Variants in CYRIB observed in about 807,000 individuals in gnomAD.
CYRIB encodes CYFIP-related Rac1 interactor B.
CYRIB carries 8 observed loss-of-function variants against 44.2 expected under a neutral mutation model. That is an observed-to-expected ratio of 0.18 (90% CI 0.11 to 0.33). The LOEUF (loss-of-function observed/expected upper bound fraction) is 0.33, where lower values mean the gene tolerates loss of function less well. Among genes scored for constraint, CYRIB ranks in the 10% least tolerant of loss-of-function variants. The pLI is 1.00. For synonymous variants in CYRIB, 131 were observed against 127.2 expected (o/e 1.03, Z -0.20); for missense variants, 185 against 382.8 (o/e 0.48, Z 4.31).
chr8:129,981,978 GC>G (rs2096256840), intron 1 of CYRIB, among the ~76,000 whole-genome samples: 1 of 152,208 alleles, frequency 6.6e-6, no homozygotes, highest in African/African-American at 2.4e-5. Context: ...ACTCGAGTGG[GC>G]ATTCCTCTTT....
chr8:129,988,543 G>C (rs747428369), intron 1 of CYRIB, among the ~76,000 whole-genome samples: 8 of 152,168 alleles, frequency 5.3e-5, no homozygotes, highest in Admixed American at 3.3e-4. Context: ...TATACCATAA[G>C]CTCTCTGAGG....
intron 2 of CYRIB, among the ~76,000 whole-genome samples, chr8:129,952,477 A>G (rs1307794277): frequency 1.3e-5 from 2 of 152,210 alleles, no homozygotes; most frequent in Non-Finnish European, 2.9e-5. Context: ...TAAAATATGT[A>G]CCCCTATGGA....
intron 1 of CYRIB, among the ~76,000 whole-genome samples, chr8:129,932,798 G>A (rs2091903681): frequency 6.6e-6 from 1 of 152,126 alleles, no homozygotes; most frequent in Non-Finnish European, 1.5e-5. Context: ...CTGAGTTCTG[G>A]GACAAGGGAA....
At chr8:129,937,271 G>C (rs1276412857) in intron 1 of CYRIB, among the ~76,000 whole-genome samples, 1 of 152,208 alleles carries the variant, frequency 6.6e-6, no homozygotes, top group East Asian at 1.9e-4. Context: ...AACTATTATA[G>C]TCTTGTTTTC....
At chr8:129,949,443 G>A (rs1297192195) in intron 2 of CYRIB, 2 of 152,204 alleles carry the variant, frequency 1.3e-5, no homozygotes, top group Admixed American at 6.5e-5. Context: ...CTACGAGGAG[G>A]TGAACCAGGA....
chr8:130,004,289 A>G (rs1199104719), intron 1 of CYRIB, among the ~76,000 whole-genome samples: 1 of 152,084 alleles, frequency 6.6e-6, no homozygotes, highest in Admixed American at 6.5e-5. Flanking sequence ...TTTTGTTTAG[A>G]GACAGGGGTC....
intron 2 of CYRIB, among the ~76,000 whole-genome samples, chr8:129,902,774 T>A (rs2072976980): frequency 6.6e-6 from 1 of 152,194 alleles, no homozygotes; most frequent in Non-Finnish European, 1.5e-5. Context: ...CTTAATAACT[T>A]GTTATAATTA....
chr8:129,902,825 C>T (rs994671388), intron 2 of CYRIB: 3 of 152,014 alleles, frequency 2.0e-5, no homozygotes, highest in Non-Finnish European at 4.4e-5. Context: ...ACTCAGGACC[C>T]TTTAACAGTA....
chr8:129,876,278 A>C (rs1023154893), intron 3 of CYRIB, among the ~76,000 whole-genome samples: 3 of 151,966 alleles, frequency 2.0e-5, no homozygotes, highest in African/African-American at 7.3e-5. Flanking sequence ...ACTGAGGTGA[A>C]AGGGTCACTT....
chr8:129,850,374 GAA>G, intron 9 of CYRIB: 2 of 152,716 alleles, frequency 1.3e-5, no homozygotes, highest in Non-Finnish European at 2.8e-5. Context: ...GTTCGTGTTG[GAA>G]AAAAAAAAGA....
At chr8:129,971,629 A>G (rs1461451372) in intron 1 of CYRIB, among the ~76,000 whole-genome samples, 1 of 152,156 alleles carries the variant, frequency 6.6e-6, no homozygotes, top group African/African-American at 2.4e-5. Flanking sequence ...GGCCAGCGCT[A>G]TCCATGGAGA....
At chr8:129,841,401 T>C (rs1391390487) in exon 12 of CYRIB, 1 of 152,598 alleles carries the variant, frequency 6.6e-6, no homozygotes, top group African/African-American at 2.4e-5. Context: ...TATATATGCA[T>C]TCCATAAAAA....
intron 1 of CYRIB, among the ~76,000 whole-genome samples, chr8:129,919,462 T>C (rs944037451): frequency 6.6e-6 from 1 of 152,170 alleles, no homozygotes; most frequent in South Asian, 2.1e-4. Context: ...ATAAAGCTCA[T>C]AGTCTATGAG....
At chr8:130,016,020 A>G (rs2097334618) in intron 1 of CYRIB, among the ~76,000 whole-genome samples, 1 of 151,500 alleles carries the variant, frequency 6.6e-6, no homozygotes, top group South Asian at 2.1e-4. Context: ...AGCCACCCCG[A>G]CCCGAGCGCC....
chr8:129,922,773 G>C (rs1352978993), intron 1 of CYRIB, among the ~76,000 whole-genome samples: 1 of 151,800 alleles, frequency 6.6e-6, no homozygotes, highest in Non-Finnish European at 1.5e-5. Context: ...TGAGGCAGGA[G>C]AATGGCATGA....
rs549185305 is a variant in CYRIB, at chr8:129,998,994, C to T, written c.-296+17376G>A. 1.3e-3 allele frequency among the ~76,000 whole-genome samples: 197 copies of T among 152,230 alleles called. 4 individuals carry two copies. Among genetic ancestry groups the T allele is most frequent in the Non-Finnish European group, 2.5e-4 (17 of 68,020 alleles). ...AGGAAGCTCATCTTTAATTCAGCGC[C>T]GACAATCCTCAGCTCAGCTCAAACT... On this transcript the variant is annotated intron_variant, in intron 1 of 14. Coordinates refer to the CYRIB transcript ENST00000401979.
intron 1 of CYRIB, among the ~76,000 whole-genome samples, chr8:129,922,794 C>T (rs1359245153): frequency 1.3e-4 from 20 of 150,728 alleles, no homozygotes; most frequent in African/African-American, 4.6e-4. Flanking sequence ...ACCTGGGAGG[C>T]GGAGTTTGCA....
intron 2 of CYRIB, among the ~76,000 whole-genome samples, chr8:129,899,813 G>A (rs578165951): frequency 4.5e-4 from 69 of 152,338 alleles, no homozygotes; most frequent in South Asian, 1.7e-3. Flanking sequence ...GGCTGAACAG[G>A]CAGTTGCTGG....
chr8:129,951,200 A>C (rs2131327202), intron 2 of CYRIB, among the ~76,000 whole-genome samples: 1 of 152,244 alleles, frequency 6.6e-6, no homozygotes, highest in East Asian at 1.9e-4. Flanking sequence ...GTTACTCGGG[A>C]GGCTGGGGCG....
Sources: allele counts gnomAD v4.1 joint callset (sites outside exome capture counted in the v4.1 genomes callset), GRCh38; gene constraint gnomAD v4.1.1; transcripts MANE v1.5; gene names NCBI Gene and HGNC (gene_info 2026-07-23, HGNC 2026-07-21).